AGAP1: variants seen among roughly 807,000 people sequenced by gnomAD.
The protein encoded by AGAP1 is arf-GAP with GTPase, ANK repeat and PH domain-containing protein 1.
In AGAP1, 29 loss-of-function variants were observed where a neutral mutation model predicts 105.3. The ratio of observed to expected loss-of-function variants is 0.28; its 90% CI spans 0.21 to 0.38. AGAP1 has a LOEUF of 0.38. AGAP1 is among the 10% of genes least tolerant of loss of function. The pLI is 1.00. For missense variants in AGAP1, 998 were observed against 1,165.1 expected (o/e 0.86, Z 2.09); for synonymous variants, 509 against 485.9 (o/e 1.05, Z -0.63).
chr2:236,008,721 C>T (rs1015008406), intron 13 of AGAP1, among the ~76,000 whole-genome samples: 1 of 152,292 alleles, frequency 6.6e-6, no homozygotes, highest in South Asian at 2.1e-4. Flanking sequence ...CCTACGTTAG[C>T]CCACTATGTA....
rs115110485 is a variant in AGAP1 at position 236,069,083 on chromosome 2, C to G, written c.2114+19802C>G. Among the ~76,000 whole-genome samples, 761 of 151,012 alleles carry G rather than the reference C, an allele frequency of 5.0e-3. 7 individuals are homozygous for G. The highest frequency in any genetic ancestry group is 0.018 in the African/African-American group (728 of 41,092). ...TGAAGGTTGCAGTGAGCCGAGATCA[C>G]GCTAGTGCGCTCCAGCCTGGGCAAC... On this transcript the variant is annotated intron_variant, in intron 16 of 17. Transcript: ENST00000304032.
At chr2:235,803,066 A>G (rs62190877) in intron 8 of AGAP1, among the ~76,000 whole-genome samples, 647 of 9,258 alleles carry the variant, frequency 0.07, 28 homozygotes, top group Middle Eastern at 0.2. Flanking sequence ...TGGTGGTGAT[A>G]GTTGTGATGG....
At chr2:235,910,656 G>A (rs1008566648) in intron 11 of AGAP1, among the ~76,000 whole-genome samples, 13 of 152,258 alleles carry the variant, frequency 8.5e-5, no homozygotes, top group Admixed American at 3.9e-4. Flanking sequence ...AGTGGCTCAC[G>A]CCTGTAACCC....
chr2:235,993,948 C>T lies in AGAP1; in HGVS notation c.1645+25325C>T, dbSNP rs909622623. Among the ~76,000 whole-genome samples, 2 of 152,102 alleles carry T rather than the reference C, an allele frequency of 1.3e-5. No individual in the cohort carries two copies. The highest frequency in any genetic ancestry group is 1.3e-4 in the Admixed American group (2 of 15,280). On this transcript the variant is annotated intron_variant, in intron 13 of 17. Transcript: ENST00000304032. The surrounding 1 kb of genome is among the most constrained non-coding windows in gnomAD (Gnocchi z 5.0). ...ATTTTACTAATATGAAAACCCAGAA[C>T]ATTCCAGATGTCCTAGGAACACAGG...
chr2:235,824,270 A>T lies in AGAP1; in HGVS notation c.1050+16939A>T, dbSNP rs1419373384. Among the ~76,000 whole-genome samples the T allele has an allele frequency of 1.3e-5, 2 of 152,220 alleles. No individual in the cohort carries two copies. Among genetic ancestry groups the T allele is most frequent in the African/African-American group, 2.4e-5 (1 of 41,466 alleles). Reference sequence around the variant, plus strand: ...CTTAATACAGAAATCCTCTAAGTGTATTCGAAAGCAGTTGTTTGTAATTGG... The same window carrying T: ...CTTAATACAGAAATCCTCTAAGTGTTTTCGAAAGCAGTTGTTTGTAATTGG... On this transcript the variant is annotated intron_variant, in intron 9 of 17. Coordinates refer to ENST00000304032, the MANE Select transcript of AGAP1 (RefSeq NM_001037131.3). This position sits in a 1 kb window ranked among gnomAD's most constrained non-coding sequence, Gnocchi z 5.2.
At chr2:235,975,994 C>A (rs1274071653) in intron 13 of AGAP1, among the ~76,000 whole-genome samples, 1 of 152,084 alleles carries the variant, frequency 6.6e-6, no homozygotes, top group Non-Finnish European at 1.5e-5. Context: ...ATGTGGAAAA[C>A]CAAGAATGAG....
intron 13 of AGAP1, among the ~76,000 whole-genome samples, chr2:236,034,421 G>A (rs2057318354): frequency 6.6e-6 from 1 of 152,034 alleles, no homozygotes; most frequent in East Asian, 1.9e-4. Flanking sequence ...CACAGCAGGT[G>A]GAGTGTTTCA....
At position 235,905,090 on chromosome 2, in the gene AGAP1, C is replaced by G. The variant is rs975699837; in HGVS notation, c.1156-3648C>G. Among the ~76,000 whole-genome samples the G allele has an allele frequency of 6.6e-6, 1 of 152,062 alleles. No homozygotes were observed. The highest frequency in any genetic ancestry group is 2.4e-5 in the African/African-American group (1 of 41,404). ...ATGGGTTCCCTTGCCGCTTTCGAAT[C>G]TGGAGAGCAGACACTTGGTACATTT... On this transcript the variant is annotated intron_variant, in intron 10 of 17. Transcript: ENST00000304032. This position sits in a 1 kb window ranked among gnomAD's most constrained non-coding sequence, Gnocchi z 4.2.
At chr2:235,564,265 C>T (rs1364448423) in intron 1 of AGAP1, among the ~76,000 whole-genome samples, 2 of 152,176 alleles carry the variant, frequency 1.3e-5, no homozygotes, top group East Asian at 3.8e-4. Flanking sequence ...GCTTAAATGA[C>T]AGCCTTGAGC....
In AGAP1 at chr2:235,691,160, C is replaced by G. The variant is rs138867131; in HGVS notation, c.164-18019C>G. ...CCCCATGCGATTCTGAGGCCTTGGT[C>G]CCTTCTGAGAGACCCCAGCCCCGAG... On this transcript the variant is annotated intron_variant, in intron 1 of 17. Coordinates refer to ENST00000304032, the MANE Select transcript of AGAP1 (RefSeq NM_001037131.3). This position sits in a 1 kb window ranked among gnomAD's most constrained non-coding sequence, Gnocchi z 4.4. 1.1e-3 allele frequency among the ~76,000 whole-genome samples: 175 copies of G among 152,276 alleles called. 1 individual carries two copies. In the South Asian group the frequency reaches 0.013, roughly 11 times the overall value.
At chr2:235,911,353 C>T (rs899510835) in intron 11 of AGAP1, among the ~76,000 whole-genome samples, 2 of 152,092 alleles carry the variant, frequency 1.3e-5, no homozygotes, top group Non-Finnish European at 2.9e-5. Flanking sequence ...CCCAGTGATG[C>T]TGCGGTCGGC....
rs116154979 is a variant in AGAP1 at position 235,822,446 on chromosome 2, G to A, written c.1050+15115G>A. Among the ~76,000 whole-genome samples, 899 of 152,208 alleles carry A rather than the reference G, an allele frequency of 5.9e-3. 4 individuals are homozygous for A. The highest frequency in any genetic ancestry group is 0.02 in the African/African-American group (829 of 41,530). The stretch of plus-strand genomic sequence containing the variant: ...GGGGGAGATGGAGAAACTCAAGGGT[G>A]AGGAAGAGCTGGAGAAGCTCAAGGG... On this transcript the variant is annotated intron_variant, in intron 9 of 17. Coordinates refer to ENST00000304032, the MANE Select transcript of AGAP1 (RefSeq NM_001037131.3).
intron 1 of AGAP1, chr2:235,670,663 G>T (rs966950697): frequency 7.7e-6 from 5 of 653,268 alleles, no homozygotes; most frequent in Non-Finnish European, 1.1e-5. Context: ...CGTGCGACGA[G>T]GCCGCGGCCG....
At position 235,930,836 on chromosome 2, in the gene AGAP1, G is replaced by C; in HGVS notation, c.1396G>C (p.Asp466His). The change falls in exon 12 of 18, where the codon GAC (aspartate) becomes CAC (histidine). Residue 466 changes from aspartate (D) to histidine (H), a missense_variant. Coordinates refer to ENST00000304032, the MANE Select transcript of AGAP1 (RefSeq NM_001037131.3). This position sits in a 1 kb window ranked among gnomAD's most constrained non-coding sequence, Gnocchi z 7.9. ...ISLVSFNSRP[D>H]GMHQRSYSVS... is the part of the protein sequence containing the mutation. ...CCTGGTCTCCTTCAACAGCCGACCC[G>C]ACGGCATGCACCAGCGCTCCTACTC... 6.8e-6 allele frequency: 11 copies of C among 1,614,124 alleles called. No homozygotes were observed. Among genetic ancestry groups the C allele is most frequent in the Non-Finnish European group, 9.3e-6 (11 of 1,180,016 alleles).
intron 13 of AGAP1, among the ~76,000 whole-genome samples, chr2:236,024,991 C>G (rs1398548076): frequency 3.9e-5 from 6 of 152,234 alleles, no homozygotes. Flanking sequence ...AAACAGTACA[C>G]CGTCTGTTAC....
At chr2:235,504,027 A>G (rs1037425611) in intron 1 of AGAP1, among the ~76,000 whole-genome samples, 3 of 152,106 alleles carry the variant, frequency 2.0e-5, no homozygotes, top group Admixed American at 2.0e-4. Context: ...GACCACAGGC[A>G]CGCACCACCA....
chr2:235,695,514 G>C (rs1949954427), intron 1 of AGAP1, among the ~76,000 whole-genome samples: 1 of 152,192 alleles, frequency 6.6e-6, no homozygotes, highest in Non-Finnish European at 1.5e-5. Context: ...TCAGGTTACA[G>C]ACGATCTGTA....
rs1262845323 is a variant in AGAP1 at position 235,842,996 on chromosome 2, G to A, written c.1050+35665G>A. ...CCCGCCTCGGCCTCCCAAAGTGCTG[G>A]AGTTACAGGCGTTAGCTGCCGTGCC... is the stretch of plus-strand genomic sequence containing the variant. On this transcript the variant is annotated intron_variant, in intron 9 of 17. Transcript: ENST00000304032. This position sits in a 1 kb window ranked among gnomAD's most constrained non-coding sequence, Gnocchi z 5.3. Among the ~76,000 whole-genome samples the A allele has an allele frequency of 6.6e-6, 1 of 152,228 alleles. No homozygotes were observed. Among genetic ancestry groups the A allele is most frequent in the South Asian group, 2.1e-4 (1 of 4,828 alleles).
At chr2:235,508,423 C>T (rs1251015815) in intron 1 of AGAP1, among the ~76,000 whole-genome samples, 1 of 152,232 alleles carries the variant, frequency 6.6e-6, no homozygotes, top group African/African-American at 2.4e-5. Flanking sequence ...CGCAGCTCTC[C>T]TGCAGATCTC....
Sources: gnomAD v4.1 joint callset for allele counts (sites outside exome capture counted in the v4.1 genomes callset) on GRCh38, gnomAD v4.1.1 for gene constraint, Gnocchi (gnomAD v3.1) non-coding constraint, MANE v1.5 for transcripts, NCBI Gene and HGNC (gene_info 2026-07-23, HGNC 2026-07-21) for gene names.